The following FAM227B variants were observed in gnomAD, a reference collection of about 807,000 sequenced individuals.
The protein encoded by FAM227B is protein FAM227B.
Under a neutral mutation model 73.8 loss-of-function variants are expected in FAM227B, and 88 were observed. The ratio of observed to expected loss-of-function variants is 1.19; its 90% CI spans 1.00 to 1.42. FAM227B has a LOEUF of 1.42. FAM227B is among the 40% of genes most tolerant of loss of function. The pLI is 0.00. For synonymous variants in FAM227B, 210 were observed against 190.5 expected (o/e 1.10, Z -0.84); for missense variants, 632 against 590.9 (o/e 1.07, Z -0.72).
intron 15 of FAM227B, 128 bp downstream of exon 15, chr15:49,331,652 C>A: frequency 1.6e-6 from 1 of 622,014 alleles, no homozygotes; most frequent in Non-Finnish European, 2.9e-6. Flanking sequence ...GATTAAGTAA[C>A]AAGAATGTAT....
Position 49,434,841 on chromosome 15 carries a change from A to C in FAM227B, c.1013-63442T>G, listed in dbSNP as rs557006968. On this transcript the variant is annotated intron_variant, in intron 11 of 15. Transcript: ENST00000299338. Reference sequence around the variant, plus strand: ...AAGGGAAAACATCAATAATTAATAAAAAACTAATTAATAATTAATTAATAA... The same window carrying C: ...AAGGGAAAACATCAATAATTAATAACAAACTAATTAATAATTAATTAATAA... 8.6e-5 allele frequency among the ~76,000 whole-genome samples: 13 copies of C among 151,408 alleles called. No individual in the cohort carries two copies. The East Asian group carries it at 2.5e-3, about 29-fold the overall frequency.
rs565920272 is a variant in FAM227B, at chr15:49,469,859, T to A, written c.1012+38352A>T. 4.6e-5 allele frequency among the ~76,000 whole-genome samples: 7 copies of A among 152,218 alleles called. No homozygotes were observed. In the South Asian group the frequency reaches 8.3e-4, roughly 18 times the overall value. ...AATTTTTTACGACTCTAAGAAGTCA[T>A]AATGATAAGCAAACTCAAAATGAGA... On this transcript the variant is annotated intron_variant, in intron 11 of 15. Transcript: ENST00000299338.
chr15:49,616,248 C>G (rs776347305), intron 1 of FAM227B, among the ~76,000 whole-genome samples: 5 of 152,078 alleles, frequency 3.3e-5, no homozygotes, highest in Non-Finnish European at 5.9e-5. Flanking sequence ...GAGTGGGGCT[C>G]TAATATGATT....
At chr15:49,416,641 A>T (rs2049230952) in intron 11 of FAM227B, among the ~76,000 whole-genome samples, 1 of 152,106 alleles carries the variant, frequency 6.6e-6, no homozygotes, top group Non-Finnish European at 1.5e-5. Context: ...CTTTGAATTG[A>T]TAAATAACTT....
intron 11 of FAM227B, among the ~76,000 whole-genome samples, chr15:49,452,014 CAT>C (rs1408057609): frequency 6.6e-6 from 1 of 151,872 alleles, no homozygotes; most frequent in Non-Finnish European, 1.5e-5. Context: ...CACTACTTGA[CAT>C]AGATTCAAAA....
rs1024832320 is a variant in FAM227B at position 49,448,957 on chromosome 15, C to CT, written c.1012+59253dup. 9.9e-5 allele frequency among the ~76,000 whole-genome samples: 15 copies of CT among 151,622 alleles called. 1 individual carries two copies. Among genetic ancestry groups the CT allele is most frequent in the Non-Finnish European group, 1.3e-4 (9 of 67,794 alleles). On this transcript the variant is annotated intron_variant, in intron 11 of 15. Transcript: ENST00000299338. The stretch of plus-strand genomic sequence containing the variant: ...CAGTTTAAGCCCCTTTCCTCATGCT[C>CT]TTTTTTTTGCATATGAATAATATGG...
chr15:49,551,238 T>C (rs1287762983), intron 9 of FAM227B, among the ~76,000 whole-genome samples: 9 of 151,776 alleles, frequency 5.9e-5, no homozygotes, highest in Non-Finnish European at 1.0e-4. Flanking sequence ...AGCAGTACAG[T>C]CCAGCTTTGG....
intron 11 of FAM227B, among the ~76,000 whole-genome samples, chr15:49,379,197 A>G (rs896161925): frequency 5.3e-5 from 8 of 151,982 alleles, no homozygotes; most frequent in Non-Finnish European, 2.9e-5. Context: ...TTTCTAATGT[A>G]TTGTTTGCTA....
At position 49,521,551 on chromosome 15, in the gene FAM227B, G is replaced by C. The variant is rs79178580; in HGVS notation, c.875-13203C>G. ...AGACAGCCTTTCCTATGCTATTTGTGTTCAGTTACACCTCCCTGAAAGTGT... is the reference window on the plus strand; with the variant it reads ...AGACAGCCTTTCCTATGCTATTTGTCTTCAGTTACACCTCCCTGAAAGTGT... On this transcript the variant is annotated intron_variant, in intron 10 of 15. Coordinates refer to ENST00000299338, the MANE Select transcript of FAM227B (RefSeq NM_152647.3). Among the ~76,000 whole-genome samples, 908 of 134,524 alleles carry C rather than the reference G, an allele frequency of 6.7e-3. 12 individuals carry two copies. Among genetic ancestry groups the C allele is most frequent in the African/African-American group, 0.026 (878 of 33,582 alleles). The allele number at this position is 134,524 out of a possible 152,430, so 88.3% of individuals were successfully genotyped here.
At chr15:49,574,773 A>G (rs1169724368) in intron 8 of FAM227B, 1 of 239,742 alleles carries the variant, frequency 4.2e-6, no homozygotes, top group Non-Finnish European at 8.0e-6. Flanking sequence ...ATATTATGAT[A>G]GATATAATAT....
At chr15:49,606,487 G>A (rs1051846335) in intron 3 of FAM227B, among the ~76,000 whole-genome samples, 2 of 151,932 alleles carry the variant, frequency 1.3e-5, no homozygotes, top group Admixed American at 6.6e-5. Flanking sequence ...TCTTCCTTAC[G>A]TGGATATCCT....
intron 1 of FAM227B, among the ~76,000 whole-genome samples, chr15:49,619,925 T>G (rs2078567063): frequency 6.6e-6 from 1 of 152,192 alleles, no homozygotes; most frequent in African/African-American, 2.4e-5. Context: ...TATATACAAT[T>G]AAAAGCTCCA....
At chr15:49,541,495 A>T (rs1193415199) in intron 10 of FAM227B, among the ~76,000 whole-genome samples, 185 bp downstream of exon 10, 1 of 152,148 alleles carries the variant, frequency 6.6e-6, no homozygotes, top group Non-Finnish European at 1.5e-5. Context: ...ATAAGTAATT[A>T]ATTATGGTAT....
chr15:49,532,861 T>C (rs1311414718), intron 10 of FAM227B, among the ~76,000 whole-genome samples: 1 of 151,956 alleles, frequency 6.6e-6, no homozygotes, highest in African/African-American at 2.4e-5. Flanking sequence ...TTTACATTTA[T>C]CTTTACAAAT....
At chr15:49,540,710 T>C (rs989602019) in intron 10 of FAM227B, among the ~76,000 whole-genome samples, 1 of 152,228 alleles carries the variant, frequency 6.6e-6, no homozygotes, top group African/African-American at 2.4e-5. Flanking sequence ...TACTTCAGCA[T>C]ATGAATTTTG....
intron 11 of FAM227B, among the ~76,000 whole-genome samples, chr15:49,394,216 T>G (rs185077218): frequency 6.6e-6 from 1 of 152,194 alleles, no homozygotes; most frequent in Non-Finnish European, 1.5e-5. Context: ...ATAGGATAAT[T>G]GGAGGAGTAA....
At chr15:49,616,391 G>C (rs1220154619) in intron 1 of FAM227B, among the ~76,000 whole-genome samples, 1 of 152,084 alleles carries the variant, frequency 6.6e-6, no homozygotes, top group Non-Finnish European at 1.5e-5. Context: ...AAGCCACTTT[G>C]CTTGTTGGCT....
chr15:49,453,387 C>T (rs972369995), intron 11 of FAM227B, among the ~76,000 whole-genome samples: 2 of 152,050 alleles, frequency 1.3e-5, no homozygotes, highest in East Asian at 1.9e-4. Flanking sequence ...TACAGGCATG[C>T]GCCACCGTGC....
Position 49,327,964 on chromosome 15 carries a change from T to G in FAM227B, c.*604A>C. The G allele has an allele frequency of 1.2e-6, 2 of 1,612,068 alleles. No homozygotes were observed. Among genetic ancestry groups the G allele is most frequent in the Non-Finnish European group, 1.7e-6 (2 of 1,178,680 alleles). On this transcript the variant is annotated 3_prime_UTR_variant, in exon 16 of 16. Coordinates refer to ENST00000299338, the MANE Select transcript of FAM227B (RefSeq NM_152647.3). Reference sequence around the variant, plus strand: ...CTCACTGTTTTAGGAAGTTTGGGGCTCAAGGGTCACGACTTACTGGAGCAG... The same window carrying G: ...CTCACTGTTTTAGGAAGTTTGGGGCGCAAGGGTCACGACTTACTGGAGCAG...
Sources: gnomAD v4.1 joint callset for allele counts (sites outside exome capture counted in the v4.1 genomes callset) on GRCh38, gnomAD v4.1.1 for gene constraint, MANE v1.5 for transcripts, NCBI Gene and HGNC (gene_info 2026-07-23, HGNC 2026-07-21) for gene names.